Variants in PARD3 observed in about 807,000 individuals in gnomAD.
PARD3 encodes the protein partitioning defective 3 homolog.
Under a neutral mutation model 155.4 loss-of-function variants are expected in PARD3, and 75 were observed. That is an observed-to-expected ratio of 0.48 (90% CI 0.40 to 0.58). The LOEUF is 0.58. PARD3 is among the 20% of genes least tolerant of loss of function. The probability of loss-of-function intolerance (pLI) is 0.00; values close to 1 mark genes in which losing one functional copy is unlikely to be tolerated. For missense variants in PARD3, 1,642 were observed against 1,721.7 expected (o/e 0.95, Z 0.82); for synonymous variants, 576 against 610.5 (o/e 0.94, Z 0.83).
chr10:34,587,224 A>T (rs1453909015), intron 2 of PARD3, among the ~76,000 whole-genome samples: 1 of 152,058 alleles, frequency 6.6e-6, no homozygotes, highest in Non-Finnish European at 1.5e-5. Flanking sequence ...CCCGAGTTCA[A>T]GCAATCTCCT....
In PARD3 at chr10:34,382,690, A is replaced by T. The variant is rs745704353; in HGVS notation, c.1249T>A (p.Ser417Thr). Residue 417 changes from serine (S) to threonine (T), a missense_variant, in exon 9 of 25, where the codon TCT (serine) becomes ACT (threonine). Ser to Thr is a moderately conservative substitution (Grantham distance 58). Coordinates refer to ENST00000374788, the MANE Select transcript of PARD3 (RefSeq NM_001184785.2). ...RLNHPPEQID[S>T]HSRLPHSAHP... ...GCGCTATGAGGTAGTCTTGAGTGAG[A>T]GTCTATCTGCTCAGGCGGGTGGTTC... The T allele has an allele frequency of 6.2e-7, 1 of 1,614,018 alleles. No individual in the cohort carries two copies. The highest frequency in any genetic ancestry group is 8.5e-7 in the Non-Finnish European group (1 of 1,180,008).
chr10:34,660,878 G>GTT (rs1349400184), intron 2 of PARD3, among the ~76,000 whole-genome samples: 1 of 152,016 alleles, frequency 6.6e-6, no homozygotes, highest in Non-Finnish European at 1.5e-5. Context: ...CAGAAATATT[G>GTT]TGTTTCATTA....
At chr10:34,294,009 C>A (rs1240058972) in intron 20 of PARD3, among the ~76,000 whole-genome samples, 3 of 152,158 alleles carry the variant, frequency 2.0e-5, no homozygotes, top group South Asian at 4.1e-4. Context: ...GTCACAAAAA[C>A]ACATCCATTT....
At chr10:34,401,703 A>C in intron 6 of PARD3, 123 bp downstream of exon 6, 1 of 737,614 alleles carries the variant, frequency 1.4e-6, no homozygotes, top group Non-Finnish European at 2.5e-6. Context: ...AAAACAAATC[A>C]ATGCACGGCA....
chr10:34,750,224 T>C (rs2133943420), intron 1 of PARD3, among the ~76,000 whole-genome samples: 1 of 152,128 alleles, frequency 6.6e-6, no homozygotes, highest in Non-Finnish European at 1.5e-5. Context: ...TGGAAGTACC[T>C]TTTTAGAATT....
At chr10:34,227,319 C>T (rs1266735171) in intron 22 of PARD3, among the ~76,000 whole-genome samples, 2 of 152,184 alleles carry the variant, frequency 1.3e-5, no homozygotes, top group African/African-American at 4.8e-5. Flanking sequence ...GAATGATCTC[C>T]ACACCAGTCA....
chr10:34,383,801 G>C (rs1414100251), intron 8 of PARD3, among the ~76,000 whole-genome samples: 2 of 152,160 alleles, frequency 1.3e-5, no homozygotes, highest in African/African-American at 4.8e-5. Flanking sequence ...TAGAGAAACT[G>C]TGTGCAGCAA....
chr10:34,617,030 G>C (rs2091304062), intron 2 of PARD3, among the ~76,000 whole-genome samples: 1 of 151,988 alleles, frequency 6.6e-6, no homozygotes, highest in East Asian at 1.9e-4. Flanking sequence ...CCAAGGCGGG[G>C]ATCTCTTGAG....
chr10:34,244,443 A>G (rs1953809680), intron 22 of PARD3, among the ~76,000 whole-genome samples: 1 of 152,206 alleles, frequency 6.6e-6, no homozygotes, highest in Non-Finnish European at 1.5e-5. Context: ...AAAATAACCT[A>G]CATACTTTGT....
chr10:34,449,663 G>A (rs2076954696), intron 5 of PARD3, among the ~76,000 whole-genome samples: 1 of 151,950 alleles, frequency 6.6e-6, no homozygotes, highest in Admixed American at 6.6e-5. Flanking sequence ...TATGAAAGGA[G>A]GACTTTGCTA....
intron 23 of PARD3, among the ~76,000 whole-genome samples, chr10:34,129,501 G>A (rs750334725): frequency 3.3e-5 from 5 of 152,118 alleles, no homozygotes; most frequent in South Asian, 2.1e-4. Context: ...AACTGAGGCC[G>A]GAAGAGCCAG....
chr10:34,767,650 G>A (rs920762389), intron 1 of PARD3, among the ~76,000 whole-genome samples: 4 of 151,898 alleles, frequency 2.6e-5, no homozygotes, highest in South Asian at 2.1e-4. Context: ...CCAGACTGGA[G>A]AGCAGTGGCA....
intron 22 of PARD3, among the ~76,000 whole-genome samples, chr10:34,162,034 T>C (rs1949306859): frequency 1.3e-5 from 2 of 152,276 alleles, no homozygotes; most frequent in African/African-American, 4.8e-5. Context: ...GCATGACATA[T>C]ATGTACATAT....
rs1454907542 is a variant in PARD3, at chr10:34,377,952, G to A, written c.1539+15C>T. The stretch of plus-strand genomic sequence containing the variant: ...TTCAAGAATCAGGGAACATCCTGCT[G>A]GGGAAGTCACTTACCTCTATAAGTC... On this transcript the variant is annotated intron_variant, in intron 10 of 24. Transcript: ENST00000374788. 1.3e-6 allele frequency: 2 copies of A among 1,510,234 alleles called. No individual in the cohort carries two copies. Among genetic ancestry groups the A allele is most frequent in the Non-Finnish European group, 1.8e-6 (2 of 1,136,492 alleles). 93.6% of individuals were successfully genotyped at this position (1,510,234 alleles called of 1,614,324 possible).
chr10:34,366,865 G>A (rs1355980397), intron 12 of PARD3, among the ~76,000 whole-genome samples: 3 of 152,104 alleles, frequency 2.0e-5, no homozygotes, highest in Non-Finnish European at 4.4e-5. Flanking sequence ...TATCCCGTAT[G>A]TGAGATGAAC....
intron 4 of PARD3, among the ~76,000 whole-genome samples, chr10:34,454,104 A>T (rs927721832): frequency 1.3e-5 from 2 of 152,224 alleles, no homozygotes; most frequent in African/African-American, 2.4e-5. Flanking sequence ...TTTAAAATAC[A>T]TTATTAATTC....
chr10:34,533,178 G>T (rs1318576006), intron 2 of PARD3, among the ~76,000 whole-genome samples: 1 of 152,136 alleles, frequency 6.6e-6, no homozygotes, highest in Non-Finnish European at 1.5e-5. Context: ...TTCAGTAAAT[G>T]ACCATATAAA....
chr10:34,140,360 CCT>C (rs1358808844), intron 22 of PARD3, among the ~76,000 whole-genome samples: 1 of 152,184 alleles, frequency 6.6e-6, no homozygotes, highest in Non-Finnish European at 1.5e-5. Context: ...GATGTCACCC[CCT>C]GTGAAAGCGT....
At chr10:34,597,402 T>C (rs1235583852) in intron 2 of PARD3, among the ~76,000 whole-genome samples, 1 of 151,712 alleles carries the variant, frequency 6.6e-6, no homozygotes, top group Admixed American at 6.6e-5. Context: ...TCTTACTTTT[T>C]TAACTTTTTA....
Sources: allele counts gnomAD v4.1 joint callset (sites outside exome capture counted in the v4.1 genomes callset), GRCh38; gene constraint gnomAD v4.1.1; transcripts MANE v1.5; gene names NCBI Gene and HGNC (gene_info 2026-07-23, HGNC 2026-07-21).